The following SDK1 variants were observed in gnomAD, a reference collection of about 807,000 sequenced individuals.
SDK1 encodes the protein sidekick cell adhesion molecule 1, also known as protein sidekick-1.
A neutral mutation model predicts 245.5 loss-of-function variants in SDK1; 157 were observed. The ratio of observed to expected loss-of-function variants is 0.64; its 90% CI spans 0.56 to 0.73. The LOEUF is 0.73. Among genes scored for constraint, SDK1 ranks in the 30% least tolerant of loss-of-function variants. The probability of loss-of-function intolerance (pLI) is 0.00; values close to 1 mark genes in which losing one functional copy is unlikely to be tolerated. For missense variants in SDK1, 3,583 were observed against 3,002.3 expected (o/e 1.19, Z -4.52); for synonymous variants, 1,647 against 1,278.5 (o/e 1.29, Z -6.15).
chr7:4,158,143 G>A (rs1374125240), intron 30 of SDK1, among the ~76,000 whole-genome samples: 3 of 152,160 alleles, frequency 2.0e-5, no homozygotes, highest in African/African-American at 4.8e-5. Flanking sequence ...TGGCCAGGAC[G>A]CCCTGCACTC....
At chr7:3,683,932 A>C (rs1240401792) in intron 4 of SDK1, among the ~76,000 whole-genome samples, 1 of 152,218 alleles carries the variant, frequency 6.6e-6, no homozygotes, top group African/African-American at 2.4e-5. Flanking sequence ...CTCCTGTCCC[A>C]ATGCAGCCAC....
intron 32 of SDK1, among the ~76,000 whole-genome samples, chr7:4,173,996 C>CCA (rs1782015405): frequency 6.6e-6 from 1 of 152,190 alleles, no homozygotes; most frequent in African/African-American, 2.4e-5. Context: ...GCTGATGTCC[C>CCA]CACACACATG....
chr7:4,103,707 A>C (rs1342892343), intron 22 of SDK1, among the ~76,000 whole-genome samples: 2 of 152,206 alleles, frequency 1.3e-5, no homozygotes, highest in East Asian at 3.9e-4. Context: ...CTGGAGGTGC[A>C]GGGATGCGTG....
At chr7:3,478,931 C>A (rs193211532) in intron 1 of SDK1, among the ~76,000 whole-genome samples, 1 of 152,064 alleles carries the variant, frequency 6.6e-6, no homozygotes, top group African/African-American at 2.4e-5. Flanking sequence ...CTTCTTTAAT[C>A]AGTGGATTAT....
intron 5 of SDK1, among the ~76,000 whole-genome samples, chr7:3,909,991 T>A (rs919962748): frequency 2.0e-5 from 3 of 152,176 alleles, no homozygotes; most frequent in African/African-American, 7.2e-5. Context: ...TTAAAATGTA[T>A]AAAGATAATA....
chr7:3,484,182 T>C (rs1353141973), intron 1 of SDK1, among the ~76,000 whole-genome samples: 1 of 152,192 alleles, frequency 6.6e-6, no homozygotes, highest in African/African-American at 2.4e-5. Context: ...CAGGTGGCCC[T>C]GCCAAACCCA....
At chr7:3,503,448 G>A (rs1371288223) in intron 1 of SDK1, among the ~76,000 whole-genome samples, 1 of 152,170 alleles carries the variant, frequency 6.6e-6, no homozygotes, top group African/African-American at 2.4e-5. Flanking sequence ...TTGAGGCCAA[G>A]CAGGAGGATT....
At chr7:3,859,737 C>A (rs542119846) in intron 5 of SDK1, among the ~76,000 whole-genome samples, 21 of 152,302 alleles carry the variant, frequency 1.4e-4, no homozygotes, top group African/African-American at 5.1e-4. Flanking sequence ...GGGGTTAAGT[C>A]AACACTGAGT....
chr7:3,964,942 G>A (rs138120050), intron 9 of SDK1, among the ~76,000 whole-genome samples: 1 of 152,340 alleles, frequency 6.6e-6, no homozygotes, highest in East Asian at 1.9e-4. Context: ...GCTTCAAGCA[G>A]TAGAAATAAT....
At chr7:4,191,798 A>G (rs919711917) in intron 35 of SDK1, among the ~76,000 whole-genome samples, 19 of 152,238 alleles carry the variant, frequency 1.2e-4, no homozygotes, top group African/African-American at 4.3e-4. Context: ...AAGCTGGGCT[A>G]TCCCCACAGA....
chr7:3,310,230 T>A (rs1382907727), intron 1 of SDK1, among the ~76,000 whole-genome samples: 1 of 152,190 alleles, frequency 6.6e-6, no homozygotes, highest in Non-Finnish European at 1.5e-5. Flanking sequence ...AAGATAGACT[T>A]AAAGCTTTGG....
At chr7:4,232,947 A>G in intron 40 of SDK1, 1 of 226,168 alleles carries the variant, frequency 4.4e-6, no homozygotes, top group Non-Finnish European at 8.7e-6. Context: ...TTTATAATAA[A>G]TCATACATAC....
At chr7:4,239,093 G>T (rs887625484) in intron 42 of SDK1, among the ~76,000 whole-genome samples, 1 of 152,178 alleles carries the variant, frequency 6.6e-6, no homozygotes, top group Non-Finnish European at 1.5e-5. Context: ...TGTGTTTCCA[G>T]CAGAAACTCC....
chr7:4,102,311 A>C (rs1782608827), intron 22 of SDK1, among the ~76,000 whole-genome samples: 1 of 152,134 alleles, frequency 6.6e-6, no homozygotes, highest in Non-Finnish European at 1.5e-5. Context: ...TGTGGTGGGC[A>C]CGGGGAGGAG....
At chr7:3,669,501 C>T (rs752156057) in intron 4 of SDK1, among the ~76,000 whole-genome samples, 1 of 146,374 alleles carries the variant, frequency 6.8e-6, no homozygotes, top group African/African-American at 2.6e-5. Context: ...CCTTCTTTAA[C>T]CACTCTCTTC....
chr7:3,682,762 A>T lies in SDK1; in HGVS notation c.713+40657A>T, dbSNP rs560709855. On this transcript the variant is annotated intron_variant, in intron 4 of 44. Coordinates refer to ENST00000404826, the MANE Select transcript of SDK1 (RefSeq NM_152744.4). The stretch of plus-strand genomic sequence containing the variant: ...AAACAGAGTTTTGCTTTGTCACTCG[A>T]TCTGATGGAGTTTTGCACTGCCAGA... Among the ~76,000 whole-genome samples, 3 of 150,814 alleles carry T rather than the reference A, an allele frequency of 2.0e-5. No individual in the cohort carries two copies. The East Asian group carries it at 5.9e-4, about 29-fold the overall frequency.
At chr7:3,387,242 C>T (rs1047708986) in intron 1 of SDK1, among the ~76,000 whole-genome samples, 3 of 152,140 alleles carry the variant, frequency 2.0e-5, no homozygotes, top group Non-Finnish European at 4.4e-5. Context: ...TCTCCCTTTA[C>T]CTTCAGAAGG....
At chr7:3,563,906 C>G (rs1408345783) in intron 1 of SDK1, among the ~76,000 whole-genome samples, 1 of 151,774 alleles carries the variant, frequency 6.6e-6, no homozygotes, top group African/African-American at 2.4e-5. Flanking sequence ...TCCCTAACTC[C>G]CAAAAAACCG....
chr7:3,960,528 C>T (rs1424520784), intron 8 of SDK1, among the ~76,000 whole-genome samples: 7 of 152,114 alleles, frequency 4.6e-5, no homozygotes, highest in South Asian at 2.1e-4. Flanking sequence ...GGTGCAGCGG[C>T]GTGTCACCCT....
Sources: allele counts gnomAD v4.1 joint callset (sites outside exome capture counted in the v4.1 genomes callset), GRCh38; gene constraint gnomAD v4.1.1; transcripts MANE v1.5; gene names NCBI Gene and HGNC (gene_info 2026-07-23, HGNC 2026-07-21).